GSPT1: variants seen among roughly 807,000 people sequenced by gnomAD.
The protein encoded by GSPT1 is G1 to S phase transition 1.
Under a neutral mutation model 72.5 loss-of-function variants are expected in GSPT1, and 20 were observed. The observed-to-expected ratio is 0.28, with a 90% CI of 0.19 to 0.40. GSPT1 has a LOEUF of 0.40. Among genes scored for constraint, GSPT1 ranks in the 10% least tolerant of loss-of-function variants. The probability of loss-of-function intolerance (pLI) is 1.00; values close to 1 mark genes in which losing one functional copy is unlikely to be tolerated. For missense variants in GSPT1, 580 were observed against 811.9 expected, an observed-to-expected ratio of 0.71 and a Z score of 3.47; for synonymous variants, 334 against 293.5, an observed-to-expected ratio of 1.14 and a Z score of -1.41.
Position 11,886,760 on chromosome 16 carries a change from C to T in GSPT1, c.1112+17G>A, listed in dbSNP as rs762190593. On this transcript the variant is annotated intron_variant, in intron 8 of 14. Coordinates refer to ENST00000434724, the MANE Select transcript of GSPT1 (RefSeq NM_002094.4). The stretch of plus-strand genomic sequence containing the variant: ...CCTTAATCCCACTAACATAAAATAC[C>T]AGACATCTACGCTCACCTCTCATTG... 6.2e-7 allele frequency: 1 copy of T among 1,606,660 alleles called. No individual in the cohort carries two copies. Among genetic ancestry groups the T allele is most frequent in the East Asian group, 2.2e-5 (1 of 44,802 alleles).
At chr16:11,898,829 A>T (rs1158246624) in intron 1 of GSPT1, among the ~76,000 whole-genome samples, 1 of 152,162 alleles carries the variant, frequency 6.6e-6, no homozygotes, top group East Asian at 1.9e-4. Context: ...GATAAATGAC[A>T]TGTGTATAAA....
At chr16:11,905,731 A>C (rs892790082) in intron 1 of GSPT1, among the ~76,000 whole-genome samples, 1 of 152,140 alleles carries the variant, frequency 6.6e-6, no homozygotes, top group Non-Finnish European at 1.5e-5. Flanking sequence ...GCTACTCAGG[A>C]GGCTGTGGCG....
chr16:11,875,968 CAAATA>C, intron 13 of GSPT1, 39 bp from the exon 14 acceptor site: 1 of 1,559,282 alleles, frequency 6.4e-7, no homozygotes, highest in Non-Finnish European at 8.8e-7. Flanking sequence ...AGAATAATGC[CAAATA>C]AAATAATCTT....
At position 11,915,485 on chromosome 16, in the gene GSPT1, T is replaced by A. The variant is rs1191364438; in HGVS notation, c.236A>T (p.Asn79Ile). The change falls in exon 1 of 15, where the codon AAC becomes ATC. Residue 79 changes from asparagine (N) to isoleucine (I), a missense_variant. Asn to Ile is a moderately radical substitution (Grantham distance 149). Transcript: ENST00000434724. The part of the protein sequence containing the change: ...LNVNAKPFVP[N>I]VHAAEFVPSF... Reference sequence around the variant, plus strand: ...CGGCACGAACTCGGCGGCGTGGACGTTGGGCACGAAGGGCTTGGCGTTGAC... The same window carrying A: ...CGGCACGAACTCGGCGGCGTGGACGATGGGCACGAAGGGCTTGGCGTTGAC... The A allele has an allele frequency of 1.3e-6, 2 of 1,552,414 alleles. No individual in the cohort carries two copies. The highest frequency in any genetic ancestry group is 1.7e-6 in the Non-Finnish European group (2 of 1,151,584).
Position 11,891,151 on chromosome 16 carries a change from TA to T in GSPT1, c.699-13del. ...TTCCAGTCAAATACCTGAAAACATT[TA>T]AAGAAAAAAAAAAGTAAACAATTAC... is the stretch of plus-strand genomic sequence containing the variant. On this transcript the variant is annotated splice_polypyrimidine_tract_variant and intron_variant, in intron 5 of 14. Transcript: ENST00000434724. 1 of 1,353,988 alleles carries T rather than the reference TA, an allele frequency of 7.4e-7. No individual in the cohort carries two copies. Among genetic ancestry groups the T allele is most frequent in the Non-Finnish European group, 1.0e-6 (1 of 996,668 alleles). 83.9% of individuals were successfully genotyped at this position (1,353,988 alleles called of 1,614,324 possible). A position where few individuals can be genotyped will look rare whatever the true frequency, so the allele number is the denominator to read the frequency against.
At chr16:11,881,936 C>G (rs2054127797) in intron 11 of GSPT1, 1 of 152,230 alleles carries the variant, frequency 6.6e-6, no homozygotes, top group Non-Finnish European at 1.5e-5. Context: ...TAGGTGTTAG[C>G]CACCATGCCT....
chr16:11,895,057 G>T, intron 4 of GSPT1, 70 bp from the exon 5 acceptor site: 1 of 897,596 alleles, frequency 1.1e-6, no homozygotes. Flanking sequence ...GCAAACAACA[G>T]CACCCTTTAA....
intron 1 of GSPT1, among the ~76,000 whole-genome samples, chr16:11,901,395 T>C (rs1427351456): frequency 2.0e-5 from 3 of 152,142 alleles, no homozygotes; most frequent in Admixed American, 6.6e-5. Flanking sequence ...TAAAGGAAGT[T>C]AGAACCCTCT....
At chr16:11,913,247 C>G (rs2054582983) in intron 1 of GSPT1, among the ~76,000 whole-genome samples, 1 of 152,210 alleles carries the variant, frequency 6.6e-6, no homozygotes, top group African/African-American at 2.4e-5. Context: ...TGGACCTCAA[C>G]TTAGAAAATC....
At chr16:11,906,121 G>A (rs575693382) in intron 1 of GSPT1, among the ~76,000 whole-genome samples, 10 of 151,450 alleles carry the variant, frequency 6.6e-5, no homozygotes, top group Admixed American at 2.6e-4. Flanking sequence ...TCACTCTGTC[G>A]CCCAGGCTGG....
At chr16:11,905,699 C>T (rs1176933560) in intron 1 of GSPT1, among the ~76,000 whole-genome samples, 1 of 152,098 alleles carries the variant, frequency 6.6e-6, no homozygotes, top group Non-Finnish European at 1.5e-5. Context: ...GCTGGGTCTG[C>T]TGGCACACAC....
At chr16:11,879,502 A>C (rs2054093266) in intron 11 of GSPT1, among the ~76,000 whole-genome samples, 1 of 152,180 alleles carries the variant, frequency 6.6e-6, no homozygotes, top group Non-Finnish European at 1.5e-5. Flanking sequence ...TGGGAGGCCA[A>C]GGCAGGTGGA....
chr16:11,872,977 T>C lies in GSPT1; in HGVS notation c.*142A>G, dbSNP rs2053995151. On this transcript the variant is annotated 3_prime_UTR_variant, in exon 15 of 15. Transcript: ENST00000434724. ...TCTCAATATGAGAAAGCTGACATAA[T>C]GTGGACTTTTGCTGTGAATTTCCTC... 5 of 607,176 alleles carry C rather than the reference T, an allele frequency of 8.2e-6. No homozygotes were observed. The East Asian group carries it at 1.0e-4, about 12-fold the overall frequency. 37.6% of individuals were successfully genotyped at this position (607,176 alleles called of 1,614,324 possible). A position where few individuals can be genotyped will look rare whatever the true frequency, so the allele number is the denominator to read the frequency against.
rs1240209587 is a variant in GSPT1, at chr16:11,887,665, C to T, written c.862G>A (p.Glu288Lys). 5.6e-6 allele frequency: 9 copies of T among 1,613,232 alleles called. No individual in the cohort carries two copies. Among genetic ancestry groups the T allele is most frequent in the South Asian group, 1.1e-5 (1 of 91,074 alleles). ...TCTAGAATTGTGAAATGCTTCTTTT[C>T]GGTTTCAAAATAGGCACGACCCACT... is the stretch of plus-strand genomic sequence containing the variant. The part of the protein sequence containing the change: ...VEVGRAYFET[E>K]KKHFTILDAP... The change falls in exon 7 of 15, where the codon GAA becomes AAA. Residue 288 changes from glutamate (E) to lysine (K), a missense_variant. This residue lies in a region of GSPT1 where 51 missense variants were observed against 118.2 expected (regional missense o/e 0.43). Coordinates refer to ENST00000434724, the MANE Select transcript of GSPT1 (RefSeq NM_002094.4).
At chr16:11,914,121 G>GACCC (rs1264084225) in intron 1 of GSPT1, among the ~76,000 whole-genome samples, 2 of 152,190 alleles carry the variant, frequency 1.3e-5, no homozygotes, top group Non-Finnish European at 2.9e-5. Context: ...TGGATGTCAT[G>GACCC]ACCCACCCCA....
intron 14 of GSPT1, 120 bp from the exon 15 acceptor site, chr16:11,873,291 G>C (rs1257337961): frequency 1.8e-6 from 1 of 563,404 alleles, no homozygotes; most frequent in Non-Finnish European, 3.2e-6. Context: ...TAATTAACTA[G>C]CTTTACTGCC....
chr16:11,915,351 C>T lies in GSPT1; in HGVS notation c.352+18G>A. 1 of 1,445,182 alleles carries T rather than the reference C, an allele frequency of 6.9e-7. No individual in the cohort carries two copies. The highest frequency in any genetic ancestry group is 9.0e-7 in the Non-Finnish European group (1 of 1,105,214). 89.5% of individuals were successfully genotyped at this position (1,445,182 alleles called of 1,614,324 possible). A position where few individuals can be genotyped will look rare whatever the true frequency, so the allele number is the denominator to read the frequency against. On this transcript the variant is annotated intron_variant, in intron 1 of 14. Coordinates refer to ENST00000434724, the MANE Select transcript of GSPT1 (RefSeq NM_002094.4). ...TCCGGCGCCCGGCCGGACTTCCTCCCGCGTCCCGGGCCTTTACCCGCACGG... is the reference window on the plus strand; with the variant it reads ...TCCGGCGCCCGGCCGGACTTCCTCCTGCGTCCCGGGCCTTTACCCGCACGG...
chr16:11,903,358 G>A (rs1418865964), intron 1 of GSPT1, among the ~76,000 whole-genome samples: 2 of 151,902 alleles, frequency 1.3e-5, no homozygotes, highest in African/African-American at 4.8e-5. Context: ...TAAAATACAA[G>A]AATTAGCCAG....
chr16:11,885,116 G>GAA lies in GSPT1; in HGVS notation c.1347+63_1347+64dup, dbSNP rs2054172444. ...AAAAGAAAAAAAGTTTTCAAAACTA[G>GAA]AAACAAAATGCACAACAATGATTTC... On this transcript the variant is annotated intron_variant, in intron 10 of 14. Coordinates refer to ENST00000434724, the MANE Select transcript of GSPT1 (RefSeq NM_002094.4). The GAA allele has an allele frequency of 5.1e-6, 4 of 778,880 alleles. No homozygotes were observed. The South Asian group carries it at 6.2e-5, about 12-fold the overall frequency. The allele number at this position is 778,880 out of a possible 1,614,324, so 48.2% of individuals were successfully genotyped here. A position where few individuals can be genotyped will look rare whatever the true frequency, so the allele number is the denominator to read the frequency against.
Sources: gnomAD v4.1 joint callset for allele counts (sites outside exome capture counted in the v4.1 genomes callset) on GRCh38, gnomAD v4.1.1 for gene constraint, gnomAD v4.1.1 regional missense constraint, MANE v1.5 for transcripts, NCBI Gene and HGNC (gene_info 2026-07-23, HGNC 2026-07-21) for gene names.